Variants in AMER2 observed in about 807,000 individuals in gnomAD.
AMER2 encodes the protein family with sequence similarity 123A.
Under a neutral mutation model 4.7 loss-of-function variants are expected in AMER2, and 1 was observed. The observed-to-expected ratio is 0.21, with a 90% CI of 0.07 to 1.00. AMER2 has a LOEUF of 1.00. Among genes scored for constraint, AMER2 ranks in the 50% least tolerant of loss-of-function variants. AMER2 has a pLI of 0.60. For missense variants in AMER2, 988 were observed against 966.9 expected, an observed-to-expected ratio of 1.02 and a Z score of -0.29; for synonymous variants, 485 against 433.3, an observed-to-expected ratio of 1.12 and a Z score of -1.48.
In AMER2 at chr13:25,170,943, A is replaced by C; in HGVS notation, c.677T>G (p.Leu226Arg). The change falls in exon 1 of 1, where the codon CTA (leucine) becomes CGA (arginine). Residue 226 changes from leucine to arginine, a missense_variant. By Grantham distance (102) the Leu-to-Arg change is moderately radical (BLOSUM62 -2). Coordinates refer to ENST00000515384, the MANE Select transcript of AMER2 (RefSeq NM_152704.4). This position sits in a 1 kb window ranked among gnomAD's most constrained non-coding sequence, Gnocchi z 7.3. ...EGRAPGGGLI[L>R]PGSLTASLEC... ...CAGGCTGGCGGTGAGCGAGCCGGGT[A>C]GGATCAAGCCGCCCCCGGGCGCGCG... The C allele has an allele frequency of 6.6e-7, 1 of 1,521,066 alleles. No individual in the cohort carries two copies. Among genetic ancestry groups the C allele is most frequent in the South Asian group, 1.2e-5 (1 of 80,490 alleles). The allele number at this position is 1,521,066 out of a possible 1,614,324, so 94.2% of individuals were successfully genotyped here. A position where few individuals can be genotyped will look rare whatever the true frequency, so the allele number is the denominator to read the frequency against.
rs1418348095 is a variant in AMER2 at position 25,163,585 on chromosome 13, A to G, written c.*6019T>C. 6.6e-6 allele frequency: 1 copy of G among 151,682 alleles called. No homozygotes were observed. The highest frequency in any genetic ancestry group is 1.9e-4 in the East Asian group (1 of 5,182). 9.4% of individuals were successfully genotyped at this position (151,682 alleles called of 1,614,324 possible). A position where few individuals can be genotyped will look rare whatever the true frequency, so the allele number is the denominator to read the frequency against. The stretch of plus-strand genomic sequence containing the variant: ...TTATGCTCAATGAAATAAGCCAGTC[A>G]CAGAAGGACAAATACTGCGCGTTTC... On this transcript the variant is annotated 3_prime_UTR_variant, in exon 1 of 1. Coordinates refer to ENST00000515384, the MANE Select transcript of AMER2 (RefSeq NM_152704.4).
At position 25,169,442 on chromosome 13, in the gene AMER2, C is replaced by T. The variant is rs1956520882; in HGVS notation, c.*162G>A. ...TCTTTCTGGTGTTATCCGGTCCCTG[C>T]TCAGGGCACAAAGACCTCCTCGGTC... On this transcript the variant is annotated 3_prime_UTR_variant, in exon 1 of 1. Transcript: ENST00000515384. The surrounding 1 kb of genome is among the most constrained non-coding windows in gnomAD (Gnocchi z 4.2). 11 of 883,214 alleles carry T rather than the reference C, an allele frequency of 1.2e-5. No homozygotes were observed. The highest frequency in any genetic ancestry group is 1.8e-5 in the Non-Finnish European group (11 of 611,494). The allele number at this position is 883,214 out of a possible 1,614,324, so 54.7% of individuals were successfully genotyped here.
At position 25,171,358 on chromosome 13, in the gene AMER2, T is replaced by A. The variant is rs1169623507; in HGVS notation, c.262A>T (p.Asn88Tyr). ...GTMPSIFGVK[N>Y]KGDGKSSGPT... The stretch of plus-strand genomic sequence containing the variant: ...CCCGAGCTTTTCCCGTCCCCTTTGT[T>A]TTTGACCCCAAAAATGCTGGGCATG... The change falls in exon 1 of 1, where the codon AAC (asparagine) becomes TAC (tyrosine). Residue 88 changes from asparagine to tyrosine, a missense_variant. Asn to Tyr is a moderately radical substitution (Grantham distance 143). Coordinates refer to ENST00000515384, the MANE Select transcript of AMER2 (RefSeq NM_152704.4). This position sits in a 1 kb window ranked among gnomAD's most constrained non-coding sequence, Gnocchi z 5.9. The A allele has an allele frequency of 1.2e-6, 2 of 1,611,982 alleles. No individual in the cohort carries two copies.
In AMER2 at chr13:25,162,926, A is replaced by G. The variant is rs1956426474; in HGVS notation, c.*6678T>C. On this transcript the variant is annotated 3_prime_UTR_variant, in exon 1 of 1. Coordinates refer to ENST00000515384, the MANE Select transcript of AMER2 (RefSeq NM_152704.4). ...TCTGGCAACATAGTAAACATACAGGATATGTTAGTAGAATTCAATATAAAA... is the reference window on the plus strand; with the variant it reads ...TCTGGCAACATAGTAAACATACAGGGTATGTTAGTAGAATTCAATATAAAA... The G allele has an allele frequency of 6.6e-6, 1 of 152,202 alleles. No homozygotes were observed. Among genetic ancestry groups the G allele is most frequent in the African/African-American group, 2.4e-5 (1 of 41,450 alleles). 9.4% of individuals were successfully genotyped at this position (152,202 alleles called of 1,614,324 possible).
At position 25,170,734 on chromosome 13, in the gene AMER2, G is replaced by C. The variant is rs1459250618; in HGVS notation, c.886C>G (p.Arg296Gly). 2.8e-6 allele frequency: 4 copies of C among 1,422,598 alleles called. No homozygotes were observed. The highest frequency in any genetic ancestry group is 3.6e-6 in the Non-Finnish European group (4 of 1,097,294). 88.1% of individuals were successfully genotyped at this position (1,422,598 alleles called of 1,614,324 possible). Residue 296 changes from arginine (R) to glycine (G), a missense_variant, in exon 1 of 1, where the codon CGG becomes GGG. By Grantham distance (125) the Arg-to-Gly change is moderately radical (BLOSUM62 -2). Coordinates refer to ENST00000515384, the MANE Select transcript of AMER2 (RefSeq NM_152704.4). The surrounding 1 kb of genome is among the most constrained non-coding windows in gnomAD (Gnocchi z 7.3). Reference sequence around the variant, plus strand: ...CGATGCCCCGCGGCGTCCTCTCCCCGGGCGCCGGTGTCGCCGGGGTGCGCG... The same window carrying C: ...CGATGCCCCGCGGCGTCCTCTCCCCCGGCGCCGGTGTCGCCGGGGTGCGCG... The part of the protein sequence containing the change: ...GLAHPGDTGA[R>G]GEDAAGHRRA...
In AMER2 at chr13:25,168,115, A is replaced by G. The variant is rs1025005449; in HGVS notation, c.*1489T>C. The G allele has an allele frequency of 6.6e-5, 10 of 152,220 alleles. No individual in the cohort carries two copies. Among genetic ancestry groups the G allele is most frequent in the Non-Finnish European group, 8.8e-5 (6 of 68,014 alleles). 9.4% of individuals were successfully genotyped at this position (152,220 alleles called of 1,614,324 possible). ...AATTTCATCATTAGACACTAATAGC[A>G]TTCTAGGAACTGCTTCAGTTTATCA... On this transcript the variant is annotated 3_prime_UTR_variant, in exon 1 of 1. Coordinates refer to ENST00000515384, the MANE Select transcript of AMER2 (RefSeq NM_152704.4).
rs1390455493 is a variant in AMER2 at position 25,162,203 on chromosome 13, G to A, written c.*7401C>T. 2.0e-5 allele frequency: 3 copies of A among 152,096 alleles called. No homozygotes were observed. Among genetic ancestry groups the A allele is most frequent in the African/African-American group, 7.2e-5 (3 of 41,416 alleles). 9.4% of individuals were successfully genotyped at this position (152,096 alleles called of 1,614,324 possible). A position where few individuals can be genotyped will look rare whatever the true frequency, so the allele number is the denominator to read the frequency against. ...TTTCAGGAAAGCTAATTATGGAAAT[G>A]GAGTTTCTCGTTTGGGTTATTTTTG... is the stretch of plus-strand genomic sequence containing the variant. On this transcript the variant is annotated 3_prime_UTR_variant, in exon 1 of 1. Transcript: ENST00000515384.
At position 25,162,767 on chromosome 13, in the gene AMER2, T is replaced by G. The variant is rs1269180557; in HGVS notation, c.*6837A>C. ...AGCCATATCTTATTTAAAACGTATC[T>G]TCTCACATAGAGCAAAAGTTATTCT... On this transcript the variant is annotated 3_prime_UTR_variant, in exon 1 of 1. Transcript: ENST00000515384. 6.6e-6 allele frequency: 1 copy of G among 152,216 alleles called. No homozygotes were observed. Among genetic ancestry groups the G allele is most frequent in the Non-Finnish European group, 1.5e-5 (1 of 68,044 alleles). The allele number at this position is 152,216 out of a possible 1,614,324, so 9.4% of individuals were successfully genotyped here. A position where few individuals can be genotyped will look rare whatever the true frequency, so the allele number is the denominator to read the frequency against.
At position 25,169,585 on chromosome 13, in the gene AMER2, C is replaced by A; in HGVS notation, c.*19G>T. The A allele has an allele frequency of 1.3e-6, 2 of 1,540,748 alleles. No individual in the cohort carries two copies. Among genetic ancestry groups the A allele is most frequent in the South Asian group, 1.3e-5 (1 of 78,670 alleles). Reference sequence around the variant, plus strand: ...TGTATTCCTTGGCATGGGGCCCATCCACCTTGGCCTGGAAGACCTCACAAC... The same window carrying A: ...TGTATTCCTTGGCATGGGGCCCATCAACCTTGGCCTGGAAGACCTCACAAC... On this transcript the variant is annotated 3_prime_UTR_variant, in exon 1 of 1. Transcript: ENST00000515384. The surrounding 1 kb of genome is among the most constrained non-coding windows in gnomAD (Gnocchi z 4.2).
Position 25,170,633 on chromosome 13 carries a change from C to A in AMER2, c.987G>T (p.Thr329=). 1 of 1,559,354 alleles carries A rather than the reference C, an allele frequency of 6.4e-7. No homozygotes were observed. The highest frequency in any genetic ancestry group is 8.7e-7 in the Non-Finnish European group (1 of 1,151,338). ...ASRTGAVPVK[T]VPLVDSEGGS... ...CGCCTTCGGAGTCGACAAGGGGGAC[C>A]GTCTTTACGGGAACGGCCCCCGTCC... Residue 329 remains threonine (T), a synonymous_variant, in exon 1 of 1, where the codon ACG becomes ACT. Transcript: ENST00000515384. The surrounding 1 kb of genome is among the most constrained non-coding windows in gnomAD (Gnocchi z 7.3).
In AMER2 at chr13:25,163,836, T is replaced by A. The variant is rs948787427; in HGVS notation, c.*5768A>T. 14 of 152,226 alleles carry A rather than the reference T, an allele frequency of 9.2e-5. No individual in the cohort carries two copies. The highest frequency in any genetic ancestry group is 2.9e-4 in the African/African-American group (12 of 41,416). The allele number at this position is 152,226 out of a possible 1,614,324, so 9.4% of individuals were successfully genotyped here. A position where few individuals can be genotyped will look rare whatever the true frequency, so the allele number is the denominator to read the frequency against. ...ATTAAAGAAGGTAACCCGGGCGTGGTGGCTCATTGCCTGTAATCCCAACAC... is the reference window on the plus strand; with the variant it reads ...ATTAAAGAAGGTAACCCGGGCGTGGAGGCTCATTGCCTGTAATCCCAACAC... On this transcript the variant is annotated 3_prime_UTR_variant, in exon 1 of 1. Coordinates refer to ENST00000515384, the MANE Select transcript of AMER2 (RefSeq NM_152704.4).
rs1229817731 is a variant in AMER2 at position 25,171,424 on chromosome 13, C to T, written c.196G>A (p.Ala66Thr). Reference protein sequence around the residue: ...AEPPSGKINKAAFKLFKKRKS... With the variant: ...AEPPSGKINKTAFKLFKKRKS... ...CTCTTCTTGAATAATTTGAAGGCAG[C>T]TTTATTAATCTTCCCCGACGGCGGC... Residue 66 changes from alanine to threonine, a missense_variant, in exon 1 of 1, where the codon GCT becomes ACT. Transcript: ENST00000515384. The surrounding 1 kb of genome is among the most constrained non-coding windows in gnomAD (Gnocchi z 5.9). The T allele has an allele frequency of 1.9e-6, 3 of 1,612,906 alleles. No homozygotes were observed. In the African/African-American group the frequency reaches 4.0e-5, roughly 22 times the overall value.
rs764116167 is a variant in AMER2, at chr13:25,170,566, C to G, written c.1054G>C (p.Asp352His). Residue 352 changes from aspartate (D) to histidine (H), a missense_variant, in exon 1 of 1, where the codon GAT (aspartate) becomes CAT (histidine). By Grantham distance (81) the Asp-to-His change is moderately conservative. Coordinates refer to ENST00000515384, the MANE Select transcript of AMER2 (RefSeq NM_152704.4). The surrounding 1 kb of genome is among the most constrained non-coding windows in gnomAD (Gnocchi z 7.3). ...APAAPDPASV[D>H]PPSDPSADRI... ...TCTGCCGACGGGTCTGAGGGTGGAT[C>G]GACAGAGGCAGGGTCTGGGGCGGCG... 10 of 1,611,228 alleles carry G rather than the reference C, an allele frequency of 6.2e-6. No individual in the cohort carries two copies. In the Admixed American group the frequency reaches 1.5e-4, roughly 24 times the overall value.
Position 25,168,620 on chromosome 13 carries a change from C to T in AMER2, c.*984G>A, listed in dbSNP as rs181839539. On this transcript the variant is annotated 3_prime_UTR_variant, in exon 1 of 1. Transcript: ENST00000515384. ...AGAACATCAATGGTTTGGGGACCAT[C>T]ATCATGTCTAGCTATAAGACCAGAT... 1 of 152,256 alleles carries T rather than the reference C, an allele frequency of 6.6e-6. No homozygotes were observed. Among genetic ancestry groups the T allele is most frequent in the African/African-American group, 2.4e-5 (1 of 41,466 alleles). The allele number at this position is 152,256 out of a possible 1,614,324, so 9.4% of individuals were successfully genotyped here.
rs747386722 is a variant in AMER2 at position 25,170,121 on chromosome 13, G to A, written c.1499C>T (p.Pro500Leu). The change falls in exon 1 of 1, where the codon CCC becomes CTC. Residue 500 changes from proline to leucine, a missense_variant. Coordinates refer to ENST00000515384, the MANE Select transcript of AMER2 (RefSeq NM_152704.4). The surrounding 1 kb of genome is among the most constrained non-coding windows in gnomAD (Gnocchi z 7.3). ...GTGCTTGGGCTCCTCCTTAGGATGG[G>A]GCTCGATGGGAATCCGGTTGAGCCT... The part of the protein sequence containing the change: ...RRRLNRIPIE[P>L]HPKEEPKHPE... The A allele has an allele frequency of 1.9e-6, 3 of 1,613,994 alleles. No individual in the cohort carries two copies. Among genetic ancestry groups the A allele is most frequent in the South Asian group, 2.2e-5 (2 of 91,080 alleles).
chr13:25,171,182 C>T lies in AMER2; in HGVS notation c.438G>A (p.Gly146=), dbSNP rs770448276. The T allele has an allele frequency of 2.0e-6, 3 of 1,511,008 alleles. No individual in the cohort carries two copies. Among genetic ancestry groups the T allele is most frequent in the South Asian group, 1.3e-5 (1 of 78,452 alleles). 93.6% of individuals were successfully genotyped at this position (1,511,008 alleles called of 1,614,324 possible). ...RPNPGPPRAA[G]PGGGSLASSS... ...TGCTGGCGAGGGAGCCCCCGCCGGG[C>T]CCTGCGGCTCTGGGGGGCCCCGGGT... The change falls in exon 1 of 1, where the codon GGG becomes GGA. Residue 146 remains glycine (G), a synonymous_variant. Coordinates refer to ENST00000515384, the MANE Select transcript of AMER2 (RefSeq NM_152704.4). The surrounding 1 kb of genome is among the most constrained non-coding windows in gnomAD (Gnocchi z 5.9).
rs1464452755 is a variant in AMER2 at position 25,168,249 on chromosome 13, T to A, written c.*1355A>T. ...TTCAAAAAAAACTTGGCATAAAGTGTTTACAATACATAAGCTTGCCAGTGT... is the reference window on the plus strand; with the variant it reads ...TTCAAAAAAAACTTGGCATAAAGTGATTACAATACATAAGCTTGCCAGTGT... On this transcript the variant is annotated 3_prime_UTR_variant, in exon 1 of 1. Transcript: ENST00000515384. 1 of 152,194 alleles carries A rather than the reference T, an allele frequency of 6.6e-6. No homozygotes were observed. Among genetic ancestry groups the A allele is most frequent in the African/African-American group, 2.4e-5 (1 of 41,442 alleles). The allele number at this position is 152,194 out of a possible 1,614,324, so 9.4% of individuals were successfully genotyped here. A position where few individuals can be genotyped will look rare whatever the true frequency, so the allele number is the denominator to read the frequency against.
chr13:25,169,788 C>T lies in AMER2; in HGVS notation c.1832G>A (p.Ser611Asn), dbSNP rs775995001. Residue 611 changes from serine to asparagine, a missense_variant, in exon 1 of 1, where the codon AGC (serine) becomes AAC (asparagine). Coordinates refer to ENST00000515384, the MANE Select transcript of AMER2 (RefSeq NM_152704.4). This position sits in a 1 kb window ranked among gnomAD's most constrained non-coding sequence, Gnocchi z 4.2. ...TGGAAGGTTGGTCAGGTGCTTGATG[C>T]TAATAGGGATCTTAGAGTCCTTCAG... ...SLLKDSKIPI[S>N]IKHLTNLPSS... 3.1e-6 allele frequency: 5 copies of T among 1,614,042 alleles called. No homozygotes were observed. The highest frequency in any genetic ancestry group is 1.7e-5 in the Admixed American group (1 of 60,006).
chr13:25,167,895 T>C lies in AMER2; in HGVS notation c.*1709A>G, dbSNP rs545035466. 4.2e-4 allele frequency: 64 copies of C among 152,300 alleles called. No individual in the cohort carries two copies. Among genetic ancestry groups the C allele is most frequent in the Middle Eastern group, 3.4e-3 (1 of 294 alleles). The allele number at this position is 152,300 out of a possible 1,614,324, so 9.4% of individuals were successfully genotyped here. A position where few individuals can be genotyped will look rare whatever the true frequency, so the allele number is the denominator to read the frequency against. ...TCATTTATGAAACAGAAAACAAACT[T>C]AAAAAGCATGTAATAACAGTTCATT... On this transcript the variant is annotated 3_prime_UTR_variant, in exon 1 of 1. Transcript: ENST00000515384.
Sources: allele counts gnomAD v4.1 joint callset, GRCh38; gene constraint gnomAD v4.1.1; non-coding constraint Gnocchi (gnomAD v3.1); transcripts MANE v1.5; gene names NCBI Gene and HGNC (gene_info 2026-07-23, HGNC 2026-07-21).